Variants in RPS6KB1 observed in about 807,000 individuals in gnomAD.
RPS6KB1 encodes the protein ribosomal protein S6 kinase B1.
In RPS6KB1, 12 loss-of-function variants were observed where a neutral mutation model predicts 70.2. The observed-to-expected ratio is 0.17, with a 90% CI of 0.11 to 0.28. The LOEUF is 0.28. RPS6KB1 is among the 10% of genes least tolerant of loss of function. The pLI, the probability that RPS6KB1 is intolerant of heterozygous loss-of-function variation, is 1.00. For synonymous variants in RPS6KB1, 175 were observed against 211.2 expected (o/e 0.83, Z 1.49); for missense variants, 270 against 646.6 (o/e 0.42, Z 6.32).
At chr17:59,941,271 CACTG>C (rs1444565703) in intron 13 of RPS6KB1, among the ~76,000 whole-genome samples, 3 of 151,242 alleles carry the variant, frequency 2.0e-5, no homozygotes, top group Non-Finnish European at 2.9e-5. Flanking sequence ...AGAAAAACCT[CACTG>C]ACTACATGTA....
At chr17:59,921,738 C>G (rs998163952) in intron 4 of RPS6KB1, among the ~76,000 whole-genome samples, 1 of 152,086 alleles carries the variant, frequency 6.6e-6, no homozygotes, top group Non-Finnish European at 1.5e-5. Context: ...CTACCAGTTG[C>G]AGCAAAAATA....
chr17:59,907,417 A>C (rs2042338059), intron 1 of RPS6KB1: 1 of 152,206 alleles, frequency 6.6e-6, no homozygotes, highest in Admixed American at 6.5e-5. Context: ...TAGTATTGCC[A>C]TCTTAACAAT....
At chr17:59,931,343 A>C in intron 6 of RPS6KB1, 4 of 344,552 alleles carry the variant, frequency 1.2e-5, no homozygotes, top group Non-Finnish European at 1.6e-5. Flanking sequence ...AAACATGACC[A>C]ATGGCAGTTT....
intron 12 of RPS6KB1, among the ~76,000 whole-genome samples, chr17:59,938,744 T>TG (rs2044404600): frequency 1.6e-4 from 23 of 145,496 alleles, no homozygotes; most frequent in Admixed American, 6.9e-5. Context: ...TGTGTGTGTG[T>TG]TTAAGTGATG....
intron 13 of RPS6KB1, among the ~76,000 whole-genome samples, chr17:59,941,855 ATTTC>A (rs1158064893): frequency 3.8e-4 from 50 of 132,130 alleles, no homozygotes; most frequent in Non-Finnish European, 6.8e-4. Context: ...GATGGTCTCG[ATTTC>A]TTTTTTTTTT....
intron 5 of RPS6KB1, among the ~76,000 whole-genome samples, chr17:59,927,033 C>T (rs1898721806): frequency 6.6e-6 from 1 of 152,008 alleles, no homozygotes. Flanking sequence ...CAGGGCCTAC[C>T]ACCTCGTAGG....
intron 13 of RPS6KB1, among the ~76,000 whole-genome samples, chr17:59,941,910 G>A (rs1242297751): frequency 6.7e-6 from 1 of 150,108 alleles, no homozygotes; most frequent in Non-Finnish European, 1.5e-5. Flanking sequence ...CCAGGTTGGA[G>A]TGCAGTGGCG....
intron 4 of RPS6KB1, among the ~76,000 whole-genome samples, chr17:59,920,861 G>T (rs772766081): frequency 6.6e-5 from 10 of 152,120 alleles, no homozygotes; most frequent in African/African-American, 9.7e-5. Flanking sequence ...ACCACGCCTG[G>T]CTAATTTTTG....
At chr17:59,908,990 G>T (rs1289068876) in intron 1 of RPS6KB1, among the ~76,000 whole-genome samples, 1 of 146,224 alleles carries the variant, frequency 6.8e-6, no homozygotes, top group Non-Finnish European at 1.5e-5. Flanking sequence ...GCAATGGCGC[G>T]ATCTCGGCTC....
chr17:59,919,370 G>A (rs576223212), intron 4 of RPS6KB1, among the ~76,000 whole-genome samples: 11 of 152,148 alleles, frequency 7.2e-5, no homozygotes, highest in South Asian at 2.1e-4. Context: ...CAGGAGAATC[G>A]CTTGAGCCTG....
At chr17:59,914,763 CAAAA>C in intron 4 of RPS6KB1, 60 bp downstream of exon 4, 6 of 1,224,750 alleles carry the variant, frequency 4.9e-6, no homozygotes, top group East Asian at 2.4e-5. Flanking sequence ...TGATCTCAGC[CAAAA>C]GGCTGGGAAG....
chr17:59,894,301 A>G (rs1265028836), intron 1 of RPS6KB1, among the ~76,000 whole-genome samples: 1 of 152,196 alleles, frequency 6.6e-6, no homozygotes, highest in South Asian at 2.1e-4. Flanking sequence ...TCAAAAAATG[A>G]CAAATTGCAC....
chr17:59,908,054 T>A (rs1017675800), intron 1 of RPS6KB1, among the ~76,000 whole-genome samples: 1 of 152,166 alleles, frequency 6.6e-6, no homozygotes, highest in African/African-American at 2.4e-5. Context: ...CCTGGACTAG[T>A]TGTGGGTACC....
chr17:59,935,283 A>C lies in RPS6KB1; in HGVS notation c.961A>C (p.Arg321=). 1 of 1,602,524 alleles carries C rather than the reference A, an allele frequency of 6.2e-7. No individual in the cohort carries two copies. The highest frequency in any genetic ancestry group is 8.5e-7 in the Non-Finnish European group (1 of 1,169,858). ...NLPPYLTQEA[R]DLLKKLLKRN... is the part of the protein sequence containing the mutation. ...GCCTCCCTACCTCACACAAGAAGCC[A>C]GAGATCTGCTTAAAAAGGTAAGGTT... Residue 321 remains arginine (R), a synonymous_variant, in exon 10 of 15, where the codon AGA becomes CGA. Transcript: ENST00000225577.
At chr17:59,904,606 C>G (rs2042155302) in intron 1 of RPS6KB1, among the ~76,000 whole-genome samples, 1 of 151,288 alleles carries the variant, frequency 6.6e-6, no homozygotes, top group Non-Finnish European at 1.5e-5. Context: ...GTTGGCCAGG[C>G]TGGTGTCGAA....
At chr17:59,926,762 A>G (rs182425975) in intron 5 of RPS6KB1, among the ~76,000 whole-genome samples, 180 bp downstream of exon 5, 36 of 152,352 alleles carry the variant, frequency 2.4e-4, no homozygotes, top group Non-Finnish European at 4.0e-4. Context: ...ACAAATATGG[A>G]GGAAACTAAA....
chr17:59,943,873 CA>C (rs61529575), intron 13 of RPS6KB1, among the ~76,000 whole-genome samples: 11,884 of 99,046 alleles, frequency 0.12, 945 homozygotes, highest in African/African-American at 0.29. Context: ...GAATCCATCT[CA>C]AAAAAAAAAA....
chr17:59,901,449 G>A (rs1246522895), intron 1 of RPS6KB1, among the ~76,000 whole-genome samples: 3 of 149,052 alleles, frequency 2.0e-5, no homozygotes, highest in Admixed American at 6.7e-5. Flanking sequence ...GCGCCTGGCC[G>A]AGACTCCATC....
chr17:59,911,551 T>G (rs1311259830), intron 2 of RPS6KB1, among the ~76,000 whole-genome samples: 9 of 144,030 alleles, frequency 6.2e-5, no homozygotes, highest in African/African-American at 1.6e-4. Context: ...TTTTTTTTTT[T>G]TTTTTTTTTT....
Sources: allele counts gnomAD v4.1 joint callset (sites outside exome capture counted in the v4.1 genomes callset), GRCh38; gene constraint gnomAD v4.1.1; transcripts MANE v1.5; gene names NCBI Gene and HGNC (gene_info 2026-07-23, HGNC 2026-07-21).